Variants in CD86 observed in about 807,000 individuals in gnomAD.
The protein encoded by CD86 is T-lymphocyte activation antigen CD86.
In CD86, 11 loss-of-function variants were observed where a neutral mutation model predicts 32.1. The ratio of observed to expected loss-of-function variants is 0.34; its 90% CI spans 0.22 to 0.57. CD86 has a LOEUF of 0.57. Among genes scored for constraint, CD86 ranks in the 20% least tolerant of loss-of-function variants. The pLI, the probability that CD86 is intolerant of heterozygous loss-of-function variation, is 0.86. For missense variants in CD86, 359 were observed against 398.4 expected, an observed-to-expected ratio of 0.90 and a Z score of 0.84; for synonymous variants, 137 against 135.3, an observed-to-expected ratio of 1.01 and a Z score of -0.09.
Position 122,114,260 on chromosome 3 carries a change from TATAA to T in CD86, c.848-3764_848-3761del, listed in dbSNP as rs56864968. Among the ~76,000 whole-genome samples the T allele has an allele frequency of 9.9e-3, 1,499 of 151,464 alleles. 11 individuals are homozygous for T. The highest frequency in any genetic ancestry group is 0.022 in the African/African-American group (891 of 41,160). On this transcript the variant is annotated intron_variant, in intron 5 of 6. Transcript: ENST00000330540. The stretch of plus-strand genomic sequence containing the variant: ...AAGATCAAGATTCCGTCTTAAAAAA[TATAA>T]ATAAATAAATAAATAAATAAATAGT...
chr3:122,111,700 G>A (rs2073176662), intron 5 of CD86, among the ~76,000 whole-genome samples: 1 of 152,166 alleles, frequency 6.6e-6, no homozygotes, highest in South Asian at 2.1e-4. Flanking sequence ...TCTCAGTTCT[G>A]CAACTATAAG....
intron 1 of CD86, among the ~76,000 whole-genome samples, chr3:122,057,120 A>C (rs555296952): frequency 1.3e-5 from 2 of 152,252 alleles, no homozygotes; most frequent in Non-Finnish European, 2.9e-5. Context: ...TATCTTGCTA[A>C]GAAGGGAGGA....
intron 3 of CD86, among the ~76,000 whole-genome samples, chr3:122,105,464 A>G (rs1022037622): frequency 6.6e-6 from 1 of 152,198 alleles, no homozygotes; most frequent in Non-Finnish European, 1.5e-5. Context: ...ATAAAAGAAC[A>G]AGGGATTTTT....
intron 1 of CD86, among the ~76,000 whole-genome samples, chr3:122,080,056 G>A (rs75393828): frequency 0.017 from 2,629 of 152,228 alleles, 79 homozygotes; most frequent in African/African-American, 0.059. Flanking sequence ...CTGGTGCACA[G>A]TATGGGGAGA....
At chr3:122,065,944 T>C (rs896252126) in intron 1 of CD86, among the ~76,000 whole-genome samples, 1 of 152,172 alleles carries the variant, frequency 6.6e-6, no homozygotes, top group Non-Finnish European at 1.5e-5. Flanking sequence ...GTAGAAAAGT[T>C]AATGTGTCCA....
In CD86 at chr3:122,109,253, G is replaced by C. The variant is rs2073136521; in HGVS notation, c.704-12G>C. 1.2e-6 allele frequency: 2 copies of C among 1,605,576 alleles called. No individual in the cohort carries two copies. The highest frequency in any genetic ancestry group is 8.5e-7 in the Non-Finnish European group (1 of 1,176,616). Reference sequence around the variant, plus strand: ...CTCTCCTGGCTGATTGAAAATTTGTGGTCATTTGTAGAGCTTGAGGACCCT... The same window carrying C: ...CTCTCCTGGCTGATTGAAAATTTGTCGTCATTTGTAGAGCTTGAGGACCCT... On this transcript the variant is annotated splice_polypyrimidine_tract_variant and intron_variant, in intron 4 of 6. Transcript: ENST00000330540.
intron 1 of CD86, among the ~76,000 whole-genome samples, chr3:122,057,849 C>T (rs2072262159): frequency 2.0e-5 from 3 of 152,154 alleles, no homozygotes; most frequent in Admixed American, 2.0e-4. Flanking sequence ...CCTTATTTTA[C>T]AGAAGTGATT....
Position 122,086,626 on chromosome 3 carries a change from G to A in CD86, c.15-4975G>A, listed in dbSNP as rs1318999024. ...GCTGGTGCCTGTCCAGGTTAAAGTG[G>A]AGAAGTACTCTCTGTACCTGGCACA... On this transcript the variant is annotated intron_variant, in intron 1 of 6. Coordinates refer to ENST00000330540, the MANE Select transcript of CD86 (RefSeq NM_175862.5). 10 of 474,650 alleles carry A rather than the reference G, an allele frequency of 2.1e-5. 1 individual carries two copies. The highest frequency in any genetic ancestry group is 4.2e-5 in the Non-Finnish European group (10 of 236,028). The allele number at this position is 474,650 out of a possible 1,614,324, so 29.4% of individuals were successfully genotyped here.
chr3:122,059,371 C>T (rs2072290038), intron 1 of CD86, among the ~76,000 whole-genome samples: 1 of 151,850 alleles, frequency 6.6e-6, no homozygotes, highest in South Asian at 2.1e-4. Flanking sequence ...GAGACTGGAG[C>T]AGCCCAGGAG....
intron 2 of CD86, among the ~76,000 whole-genome samples, chr3:122,098,517 CT>C (rs2072944863): frequency 6.6e-6 from 1 of 152,022 alleles, no homozygotes; most frequent in South Asian, 2.1e-4. Context: ...AGGGGAAGGA[CT>C]TTGGATGTAG....
intron 1 of CD86, among the ~76,000 whole-genome samples, chr3:122,067,183 T>C (rs755498698): frequency 9.2e-5 from 14 of 152,218 alleles, no homozygotes; most frequent in Non-Finnish European, 2.1e-4. Context: ...AAAAATTGAA[T>C]TCACGCTTTG....
chr3:122,086,878 G>A (rs1422165864), intron 1 of CD86, among the ~76,000 whole-genome samples: 1 of 150,242 alleles, frequency 6.7e-6, no homozygotes, highest in Non-Finnish European at 1.5e-5. Flanking sequence ...TCCTGTGGCA[G>A]AGCAAAAACT....
At chr3:122,097,120 AT>A (rs2072920100) in intron 2 of CD86, among the ~76,000 whole-genome samples, 3 of 152,188 alleles carry the variant, frequency 2.0e-5, no homozygotes, top group Admixed American at 1.3e-4. Context: ...TATTACCAGT[AT>A]TTTTTTTAAT....
At chr3:122,117,248 T>A (rs974364923) in intron 5 of CD86, among the ~76,000 whole-genome samples, 8 of 152,198 alleles carry the variant, frequency 5.3e-5, no homozygotes, top group African/African-American at 1.9e-4. Flanking sequence ...CCAAGTCCAT[T>A]ATATCATTCT....
chr3:122,082,518 G>A (rs972720951), intron 1 of CD86, among the ~76,000 whole-genome samples: 1 of 152,210 alleles, frequency 6.6e-6, no homozygotes, highest in East Asian at 1.9e-4. Flanking sequence ...CTCACAGAAC[G>A]TGATACCACA....
rs2072219614 is a variant in CD86 at position 122,055,479 on chromosome 3, A to T, written c.-11A>T. The T allele has an allele frequency of 6.2e-7, 1 of 1,613,894 alleles. No homozygotes were observed. The highest frequency in any genetic ancestry group is 1.3e-5 in the African/African-American group (1 of 74,952). On this transcript the variant is annotated 5_prime_UTR_variant, in exon 1 of 7. Coordinates refer to ENST00000330540, the MANE Select transcript of CD86 (RefSeq NM_175862.5). Reference sequence around the variant, plus strand: ...ATTTCCAGATATTAGGTCACAGCAGAAGCAGCCAAAATGGATCCCCAGTGG... The same window carrying T: ...ATTTCCAGATATTAGGTCACAGCAGTAGCAGCCAAAATGGATCCCCAGTGG...
chr3:122,114,419 C>T (rs1007010125), intron 5 of CD86, among the ~76,000 whole-genome samples: 106 of 152,094 alleles, frequency 7.0e-4, no homozygotes, highest in African/African-American at 2.2e-3. Context: ...TTTCAGAGAT[C>T]GGATGACAGA....
At chr3:122,085,248 T>G (rs1333928316) in intron 1 of CD86, among the ~76,000 whole-genome samples, 1 of 152,216 alleles carries the variant, frequency 6.6e-6, no homozygotes, top group Non-Finnish European at 1.5e-5. Flanking sequence ...AGATACTCTG[T>G]CAGAAGCCTT....
intron 1 of CD86, among the ~76,000 whole-genome samples, chr3:122,084,537 C>T (rs2072685206): frequency 6.6e-6 from 1 of 152,068 alleles, no homozygotes; most frequent in African/African-American, 2.4e-5. Context: ...GTTTGCTGAC[C>T]CCTGATCTAG....
Sources: gnomAD v4.1 joint callset for allele counts (sites outside exome capture counted in the v4.1 genomes callset) on GRCh38, gnomAD v4.1.1 for gene constraint, MANE v1.5 for transcripts, NCBI Gene and HGNC (gene_info 2026-07-23, HGNC 2026-07-21) for gene names.